The following PRKAR1B variants were observed in gnomAD, a reference collection of about 807,000 sequenced individuals.
PRKAR1B encodes cAMP-dependent protein kinase type I-beta regulatory subunit.
In PRKAR1B, 22 loss-of-function variants were observed where a neutral mutation model predicts 46.5. The observed-to-expected ratio is 0.47, with a 90% CI of 0.34 to 0.68. The LOEUF is 0.68. Ranked by LOEUF, PRKAR1B falls within the 30% of genes least tolerant of loss-of-function variation. The probability of loss-of-function intolerance (pLI) is 0.01; values close to 1 mark genes in which losing one functional copy is unlikely to be tolerated. For missense variants in PRKAR1B, 445 were observed against 535.6 expected (o/e 0.83, Z 1.67); for synonymous variants, 259 against 217.7 (o/e 1.19, Z -1.67).
chr7:596,422 C>G, intron 6 of PRKAR1B, 118 bp from the exon 7 acceptor site: 1 of 1,271,218 alleles, frequency 7.9e-7, no homozygotes, highest in Non-Finnish European at 1.1e-6. Flanking sequence ...GGGCGGGGCA[C>G]AAGCCCTTTC....
At chr7:624,844 A>C (rs1322296934) in intron 4 of PRKAR1B, among the ~76,000 whole-genome samples, 4 of 152,268 alleles carry the variant, frequency 2.6e-5, no homozygotes, top group Non-Finnish European at 4.4e-5. Context: ...TTGAAAAATT[A>C]TACACAGGAA....
At chr7:640,389 T>A (rs567991194) in intron 4 of PRKAR1B, among the ~76,000 whole-genome samples, 70 of 152,184 alleles carry the variant, frequency 4.6e-4, no homozygotes, top group African/African-American at 1.6e-3. Context: ...ACAGACATTT[T>A]ACCAAAGAAG....
intron 4 of PRKAR1B, among the ~76,000 whole-genome samples, chr7:638,416 G>A (rs1200671726): frequency 5.3e-5 from 8 of 152,154 alleles, no homozygotes; most frequent in East Asian, 3.9e-4. Context: ...CGGGGGCCTC[G>A]GGACAGGTGA....
At position 550,328 on chromosome 7, in the gene PRKAR1B, AC is replaced by A; in HGVS notation, c.*101del. The A allele has an allele frequency of 2.7e-6, 3 of 1,096,238 alleles. No individual in the cohort carries two copies. The highest frequency in any genetic ancestry group is 4.0e-6 in the Non-Finnish European group (3 of 752,138). 67.9% of individuals were successfully genotyped at this position (1,096,238 alleles called of 1,614,324 possible). ...CCTCACGCTGCCGGGACCCAGCCCC[AC>A]CCGGCCCACACCTCACACAGCGGCT... On this transcript the variant is annotated 3_prime_UTR_variant, in exon 11 of 11. Transcript: ENST00000537384.
chr7:584,436 G>T, intron 8 of PRKAR1B, 72 bp downstream of exon 8: 1 of 1,351,588 alleles, frequency 7.4e-7, no homozygotes, highest in Non-Finnish European at 1.1e-6. Context: ...CAGGGAATGG[G>T]GAAGAGGCCG....
At position 586,940 on chromosome 7, in the gene PRKAR1B, G is replaced by A. The variant is rs1284821990; in HGVS notation, c.709-2372C>T. Among the ~76,000 whole-genome samples, 4 of 148,642 alleles carry A rather than the reference G, an allele frequency of 2.7e-5. No individual in the cohort carries two copies. In the East Asian group the frequency reaches 6.0e-4, roughly 22 times the overall value. ...ACTCTGTTGCCCAGGCTGGAGTGTA[G>A]TGGTGCGATCTCGGCTCACTGCAAG... On this transcript the variant is annotated intron_variant, in intron 7 of 10. Coordinates refer to ENST00000537384, the MANE Select transcript of PRKAR1B (RefSeq NM_001164760.2).
At chr7:586,977 G>A (rs560809729) in intron 7 of PRKAR1B, among the ~76,000 whole-genome samples, 185 of 149,300 alleles carry the variant, frequency 1.2e-3, no homozygotes, top group African/African-American at 4.2e-3. Flanking sequence ...TCCAACTCCC[G>A]GGTTCACGCC....
At chr7:657,565 G>T (rs1785280944) in intron 4 of PRKAR1B, among the ~76,000 whole-genome samples, 1 of 152,182 alleles carries the variant, frequency 6.6e-6, no homozygotes, top group South Asian at 2.1e-4. Flanking sequence ...AGCTATGGGG[G>T]TGGTGGACAG....
rs1222965371 is a variant in PRKAR1B at position 644,596 on chromosome 7, C to T, written c.440+32633G>A. 6.6e-6 allele frequency among the ~76,000 whole-genome samples: 1 copy of T among 152,294 alleles called. No individual in the cohort carries two copies. The highest frequency in any genetic ancestry group is 6.5e-5 in the Admixed American group (1 of 15,300). The stretch of plus-strand genomic sequence containing the variant: ...ACCAGTCTGGCCATGCGAGTGCCCA[C>T]AACTGGAAGGAAGCAATGCAGGGCC... On this transcript the variant is annotated intron_variant, in intron 4 of 10. Coordinates refer to ENST00000537384, the MANE Select transcript of PRKAR1B (RefSeq NM_001164760.2). This position sits in a 1 kb window ranked among gnomAD's most constrained non-coding sequence, Gnocchi z 4.9.
intron 4 of PRKAR1B, among the ~76,000 whole-genome samples, chr7:628,578 C>G (rs377116709): frequency 6.6e-6 from 1 of 152,196 alleles, no homozygotes. Flanking sequence ...TGGGACCAGT[C>G]GCTCGCTCAG....
rs1781659186 is a variant in PRKAR1B, at chr7:602,227, TCCGGCA to T, written c.549+3960_549+3965del. Reference sequence around the variant, plus strand: ...GAAACGGTCCCTGCTTTGAAGTGGCTCCGGCACCGGCCTCTCCCACCACCCTGTCAT... The same window carrying T: ...GAAACGGTCCCTGCTTTGAAGTGGCTCCGGCCTCTCCCACCACCCTGTCAT... On this transcript the variant is annotated intron_variant, in intron 6 of 10. Coordinates refer to ENST00000537384, the MANE Select transcript of PRKAR1B (RefSeq NM_001164760.2). The surrounding 1 kb of genome is among the most constrained non-coding windows in gnomAD (Gnocchi z 6.4). 6.6e-6 allele frequency among the ~76,000 whole-genome samples: 1 copy of T among 151,210 alleles called. No individual in the cohort carries two copies. Among genetic ancestry groups the T allele is most frequent in the African/African-American group, 2.4e-5 (1 of 41,098 alleles).
intron 4 of PRKAR1B, among the ~76,000 whole-genome samples, chr7:663,305 C>CG (rs1008987848): frequency 2.6e-5 from 4 of 152,110 alleles, no homozygotes; most frequent in Non-Finnish European, 4.4e-5. Flanking sequence ...CACAGCTCAC[C>CG]GTAGCTTCAA....
Position 550,330 on chromosome 7 carries a change from C to T in PRKAR1B, c.*100G>A. 8.8e-7 allele frequency: 1 copy of T among 1,135,052 alleles called. No individual in the cohort carries two copies. Among genetic ancestry groups the T allele is most frequent in the Non-Finnish European group, 1.3e-6 (1 of 787,518 alleles). 70.3% of individuals were successfully genotyped at this position (1,135,052 alleles called of 1,614,324 possible). A position where few individuals can be genotyped will look rare whatever the true frequency, so the allele number is the denominator to read the frequency against. On this transcript the variant is annotated 3_prime_UTR_variant, in exon 11 of 11. Transcript: ENST00000537384. ...TCACGCTGCCGGGACCCAGCCCCAC[C>T]CGGCCCACACCTCACACAGCGGCTC...
rs760349843 is a variant in PRKAR1B at position 664,059 on chromosome 7, T to C, written c.440+13170A>G. On this transcript the variant is annotated intron_variant, in intron 4 of 10. Coordinates refer to ENST00000537384, the MANE Select transcript of PRKAR1B (RefSeq NM_001164760.2). The stretch of plus-strand genomic sequence containing the variant: ...ATGCTTTGTATTACAAGGAGCCCCA[T>C]AGGGCCAGGACCAGCTCGACGGTTA... Among the ~76,000 whole-genome samples, 13 of 152,196 alleles carry C rather than the reference T, an allele frequency of 8.5e-5. 1 individual carries two copies. The highest frequency in any genetic ancestry group is 1.3e-4 in the Admixed American group (2 of 15,298).
intron 4 of PRKAR1B, among the ~76,000 whole-genome samples, chr7:635,458 C>G (rs1230103162): frequency 6.6e-6 from 1 of 152,214 alleles, no homozygotes; most frequent in Non-Finnish European, 1.5e-5. Context: ...TGCCTGCACC[C>G]CCCTGGGGCT....
At chr7:659,488 T>A (rs950171582) in intron 4 of PRKAR1B, among the ~76,000 whole-genome samples, 2 of 151,884 alleles carry the variant, frequency 1.3e-5, no homozygotes, top group African/African-American at 4.8e-5. Flanking sequence ...GCACACGCCG[T>A]CCCGAGCCGG....
At chr7:648,086 C>CAGTGAGCT (rs1258540184) in intron 4 of PRKAR1B, among the ~76,000 whole-genome samples, 1 of 151,414 alleles carries the variant, frequency 6.6e-6, no homozygotes, top group Non-Finnish European at 1.5e-5. Context: ...GTTGAGGCTG[C>CAGTGAGCT]AGTGAGCTAT....
At chr7:609,590 T>C (rs1046948291) in intron 4 of PRKAR1B, among the ~76,000 whole-genome samples, 8 of 152,204 alleles carry the variant, frequency 5.3e-5, no homozygotes, top group Non-Finnish European at 1.2e-4. Flanking sequence ...AAAGCGTGCA[T>C]TTCCAGTGGT....
Position 632,879 on chromosome 7 carries a change from G to A in PRKAR1B, c.441-25427C>T, listed in dbSNP as rs534695807. On this transcript the variant is annotated intron_variant, in intron 4 of 10. Coordinates refer to ENST00000537384, the MANE Select transcript of PRKAR1B (RefSeq NM_001164760.2). ...CAGCCTCAAGGAGCCCCCGACGGCC[G>A]GCACCCGTCAGCCCTCCTGAGCCTG... 8.0e-4 allele frequency among the ~76,000 whole-genome samples: 122 copies of A among 152,206 alleles called. 1 individual carries two copies. The highest frequency in any genetic ancestry group is 2.6e-3 in the African/African-American group (106 of 41,534).
Sources: gnomAD v4.1 joint callset for allele counts (sites outside exome capture counted in the v4.1 genomes callset) on GRCh38, gnomAD v4.1.1 for gene constraint, Gnocchi (gnomAD v3.1) non-coding constraint, MANE v1.5 for transcripts, NCBI Gene and HGNC (gene_info 2026-07-23, HGNC 2026-07-21) for gene names.